EMX1: variants seen among roughly 807,000 people sequenced by gnomAD.
EMX1 encodes empty spiracles homeobox 1.
Under a neutral mutation model 20.1 loss-of-function variants are expected in EMX1, and 10 were observed. The observed-to-expected ratio is 0.50, with a 90% confidence interval of 0.31 to 0.84. EMX1 has a LOEUF of 0.84. Ranked by LOEUF, EMX1 falls within the 40% of genes least tolerant of loss-of-function variation. The pLI is 0.05. For synonymous variants in EMX1, 250 were observed against 200.4 expected, an observed-to-expected ratio of 1.25 and a Z score of -2.09; for missense variants, 424 against 431.9, an observed-to-expected ratio of 0.98 and a Z score of 0.16.
chr2:72,919,360 G>T (rs1671060166), intron 1 of EMX1, among the ~76,000 whole-genome samples: 1 of 151,798 alleles, frequency 6.6e-6, no homozygotes, highest in East Asian at 1.9e-4. Context: ...ATTTGTACAG[G>T]CATCACTTTA....
rs755015426 is a variant in EMX1, at chr2:72,924,446, G to A, written c.658G>A (p.Ala220Thr). The A allele has an allele frequency of 6.9e-6, 11 of 1,596,108 alleles. No individual in the cohort carries two copies. The African/African-American group carries it at 1.5e-4, about 21-fold the overall frequency. Residue 220 changes from alanine to threonine, a missense_variant, in exon 2 of 3, where the codon GCC becomes ACC. Transcript: ENST00000258106. The stretch of plus-strand genomic sequence containing the variant: ...CGAGAAGAACCACTACGTGGTGGGC[G>A]CCGAGCGGAAGCAGCTGGCCGGCAG... ...AFEKNHYVVG[A>T]ERKQLAGSLS...
chr2:72,925,553 G>A, intron 2 of EMX1: 1 of 1,288,008 alleles, frequency 7.8e-7, no homozygotes, highest in Non-Finnish European at 1.0e-6. Context: ...CGGCTCCGCG[G>A]TCTCCCAGCT....
intron 2 of EMX1, among the ~76,000 whole-genome samples, chr2:72,929,714 A>T (rs1006792021): frequency 1.3e-5 from 2 of 152,242 alleles, no homozygotes; most frequent in Non-Finnish European, 2.9e-5. Flanking sequence ...AGAATAGCAG[A>T]TTATTCCAAA....
chr2:72,928,178 A>G (rs940945090), intron 2 of EMX1, among the ~76,000 whole-genome samples: 2 of 152,192 alleles, frequency 1.3e-5, no homozygotes, highest in African/African-American at 4.8e-5. Flanking sequence ...AGCCCTGGGC[A>G]AGGGCTAGTT....
chr2:72,930,011 CA>C lies in EMX1; in HGVS notation c.706-3772del, dbSNP rs1671257939. On this transcript the variant is annotated intron_variant, in intron 2 of 2. Coordinates refer to ENST00000258106, the MANE Select transcript of EMX1 (RefSeq NM_004097.3). This position sits in a 1 kb window ranked among gnomAD's most constrained non-coding sequence, Gnocchi z 4.4. The stretch of plus-strand genomic sequence containing the variant: ...GGAATATTAAAAACTGGCCCTCTTG[CA>C]AAAGTGTCCACAAAACTAAGAAAAA... 1.3e-5 allele frequency among the ~76,000 whole-genome samples: 2 copies of C among 152,172 alleles called. No homozygotes were observed. The highest frequency in any genetic ancestry group is 4.1e-4 in the South Asian group (2 of 4,822).
intron 2 of EMX1, among the ~76,000 whole-genome samples, chr2:72,924,951 C>T (rs1671169727): frequency 6.6e-6 from 1 of 152,236 alleles, no homozygotes; most frequent in East Asian, 1.9e-4. Flanking sequence ...TGCTGCTGTT[C>T]CTGGGCAAAA....
At chr2:72,929,896 C>T (rs1212938280) in intron 2 of EMX1, among the ~76,000 whole-genome samples, 3 of 152,220 alleles carry the variant, frequency 2.0e-5, no homozygotes, top group Non-Finnish European at 2.9e-5. Context: ...CTTCTTCATT[C>T]TGCCTGACTC....
At chr2:72,929,651 CTT>C (rs1188728757) in intron 2 of EMX1, among the ~76,000 whole-genome samples, 5 of 152,216 alleles carry the variant, frequency 3.3e-5, no homozygotes, top group African/African-American at 1.2e-4. Flanking sequence ...GAGCCACAGA[CTT>C]TTCCATTTGC....
upstream of EMX1, chr2:72,916,887 A>T (rs1482642855): frequency 7.0e-6 from 5 of 717,324 alleles, no homozygotes; most frequent in Non-Finnish European, 1.3e-5. Flanking sequence ...CCCCGCGAAC[A>T]GCTGGAGGGT....
rs980264425 is a variant in EMX1, at chr2:72,918,439, G to A, written c.520+67G>A. 2.2e-5 allele frequency: 29 copies of A among 1,346,330 alleles called. No individual in the cohort carries two copies. The Admixed American group carries it at 1.1e-3, about 53-fold the overall frequency. The allele number at this position is 1,346,330 out of a possible 1,614,324, so 83.4% of individuals were successfully genotyped here. On this transcript the variant is annotated intron_variant, in intron 1 of 2. Transcript: ENST00000258106. ...CCCGTGCTGCGGCGATGCGGGGGAG[G>A]CTCGGGGGCGCGCGGGGCTGTTTAG... is the stretch of plus-strand genomic sequence containing the variant.
Position 72,918,218 on chromosome 2 carries a change from C to T in EMX1, c.366C>T (p.Ala122=), listed in dbSNP as rs971417250. 8.9e-6 allele frequency: 14 copies of T among 1,574,808 alleles called. No homozygotes were observed. Among genetic ancestry groups the T allele is most frequent in the Non-Finnish European group, 1.2e-5 (14 of 1,171,482 alleles). ...GGCCCGAGCTCGTGTTCCCCGAGGC[C>T]ATGAACCACCCCGCGCTGACCGTGC... is the stretch of plus-strand genomic sequence containing the variant. ...YGGPELVFPE[A]MNHPALTVHP... is the part of the protein sequence containing the mutation. The change falls in exon 1 of 3, where the codon GCC becomes GCT. Residue 122 remains alanine (A), a synonymous_variant. Transcript: ENST00000258106.
chr2:72,924,342 A>G lies in EMX1; in HGVS notation c.554A>G (p.His185Arg). The change falls in exon 2 of 3, where the codon CAC becomes CGC. Residue 185 changes from histidine (H) to arginine (R), a missense_variant. By Grantham distance (29) the His-to-Arg change is conservative. This residue lies in a region of EMX1 where 333 missense variants were observed against 296.6 expected (regional missense o/e 1.12). Transcript: ENST00000258106. ...GTGCCCCAGGACGGGCTGCTTCTGC[A>G]CGGCCCCTTCGCACGCAAGCCCAAG... ...SDVPQDGLLL[H>R]GPFARKPKRI... 6.3e-7 allele frequency: 1 copy of G among 1,580,644 alleles called. No individual in the cohort carries two copies. The highest frequency in any genetic ancestry group is 8.5e-7 in the Non-Finnish European group (1 of 1,170,488).
chr2:72,922,142 TG>T (rs1030813126), intron 1 of EMX1, among the ~76,000 whole-genome samples: 3 of 152,240 alleles, frequency 2.0e-5, no homozygotes, highest in African/African-American at 7.2e-5. Flanking sequence ...CTGCCAATGC[TG>T]GGATGAGCTA....
At chr2:72,928,205 A>G (rs150863503) in intron 2 of EMX1, among the ~76,000 whole-genome samples, 88 of 152,306 alleles carry the variant, frequency 5.8e-4, no homozygotes, top group South Asian at 4.6e-3. Flanking sequence ...TCAGGTTCTA[A>G]TGACTTGTTC....
At chr2:72,919,225 A>G (rs908664873) in intron 1 of EMX1, among the ~76,000 whole-genome samples, 5 of 148,872 alleles carry the variant, frequency 3.4e-5, no homozygotes, top group African/African-American at 1.3e-4. Flanking sequence ...ACACGTTTCA[A>G]TTATTTGTCT....
rs368854058 is a variant in EMX1, at chr2:72,928,384, C to T, written c.705+3891C>T. 4.9e-4 allele frequency among the ~76,000 whole-genome samples: 74 copies of T among 152,338 alleles called. 3 individuals carry two copies. In the South Asian group the frequency reaches 0.013, roughly 26 times the overall value. On this transcript the variant is annotated intron_variant, in intron 2 of 2. Transcript: ENST00000258106. ...TGTGTCTGCCCATGTGGGGCACCAACGGGCTTTATGTGATTGATGCCCAAA... is the reference window on the plus strand; with the variant it reads ...TGTGTCTGCCCATGTGGGGCACCAATGGGCTTTATGTGATTGATGCCCAAA...
In EMX1 at chr2:72,917,818, C is replaced by T. The variant is rs978129395; in HGVS notation, c.-35C>T. 3 of 1,282,230 alleles carry T rather than the reference C, an allele frequency of 2.3e-6. No homozygotes were observed. The highest frequency in any genetic ancestry group is 3.1e-5 in the African/African-American group (2 of 64,106). The allele number at this position is 1,282,230 out of a possible 1,614,324, so 79.4% of individuals were successfully genotyped here. A position where few individuals can be genotyped will look rare whatever the true frequency, so the allele number is the denominator to read the frequency against. On this transcript the variant is annotated 5_prime_UTR_variant, in exon 1 of 3. Transcript: ENST00000258106. ...CCCGCGGGGGCCGAGCGCGAGCGGG[C>T]GGGCGGGGGAGGTGAGGGGTGCGGG...
At chr2:72,920,996 GC>G (rs1671093483) in intron 1 of EMX1, among the ~76,000 whole-genome samples, 1 of 152,192 alleles carries the variant, frequency 6.6e-6, no homozygotes, top group South Asian at 2.1e-4. Context: ...GGTTATCTCC[GC>G]CGCCTGTCCT....
intron 1 of EMX1, among the ~76,000 whole-genome samples, chr2:72,922,060 A>G (rs902039125): frequency 6.6e-6 from 1 of 151,996 alleles, no homozygotes; most frequent in Non-Finnish European, 1.5e-5. Flanking sequence ...ATTCATACAC[A>G]CTTACGGGGC....
Sources: gnomAD v4.1 joint callset for allele counts (sites outside exome capture counted in the v4.1 genomes callset) on GRCh38, gnomAD v4.1.1 for gene constraint, gnomAD v4.1.1 regional missense constraint, Gnocchi (gnomAD v3.1) non-coding constraint, MANE v1.5 for transcripts, NCBI Gene and HGNC (gene_info 2026-07-23, HGNC 2026-07-21) for gene names.